PSEN2: variants seen among roughly 807,000 people sequenced by gnomAD.
PSEN2 encodes presenilin 2.
A neutral mutation model predicts 49.1 loss-of-function variants in PSEN2; 32 were observed. The ratio of observed to expected loss-of-function variants is 0.65; its 90% CI spans 0.49 to 0.88. PSEN2 has a LOEUF of 0.88. Ranked by LOEUF, PSEN2 falls within the 40% of genes least tolerant of loss-of-function variation. The pLI is 0.00. For synonymous variants in PSEN2, 255 were observed against 244.0 expected (o/e 1.05, Z -0.42); for missense variants, 522 against 586.9 (o/e 0.89, Z 1.14).
At position 226,882,138 on chromosome 1, in the gene PSEN2, C is replaced by T. The variant is rs982648254; in HGVS notation, c.141+90C>T. 12 of 1,525,772 alleles carry T rather than the reference C, an allele frequency of 7.9e-6. No individual in the cohort carries two copies. The highest frequency in any genetic ancestry group is 3.8e-5 in the Admixed American group (2 of 53,258). 94.5% of individuals were successfully genotyped at this position (1,525,772 alleles called of 1,614,324 possible). On this transcript the variant is annotated intron_variant, in intron 4 of 12. Coordinates refer to ENST00000366783, the MANE Select transcript of PSEN2 (RefSeq NM_000447.3). ...AAAACCAGACATTCATTCCCTGATG[C>T]GGGAGGGAGAAGGGAAGTAATGATG...
Position 226,881,869 on chromosome 1 carries a change from C to T in PSEN2, c.-20-19C>T. The T allele has an allele frequency of 6.2e-7, 1 of 1,614,218 alleles. No homozygotes were observed. On this transcript the variant is annotated intron_variant, in intron 3 of 12. Transcript: ENST00000366783. ...TCTCACAGGAAAGTGGAACAAGGTCCTTGTGCTCCTTTTTCCAGGTGCTTC... is the reference window on the plus strand; with the variant it reads ...TCTCACAGGAAAGTGGAACAAGGTCTTTGTGCTCCTTTTTCCAGGTGCTTC...
chr1:226,888,253 A>G (rs1661503744), intron 7 of PSEN2, 95 bp downstream of exon 7: 4 of 1,173,826 alleles, frequency 3.4e-6, no homozygotes, highest in East Asian at 2.3e-5. Flanking sequence ...AAAGATGACC[A>G]TCGAGCTCCA....
chr1:226,895,344 G>T, intron 12 of PSEN2, 80 bp from the exon 13 acceptor site: 2 of 1,543,788 alleles, frequency 1.3e-6, no homozygotes, highest in Admixed American at 1.7e-5. Flanking sequence ...AAGCTCCTGT[G>T]CCCAGGGACT....
chr1:226,890,132 A>G lies in PSEN2; in HGVS notation c.885A>G (p.Ser295=). The G allele has an allele frequency of 6.2e-7, 1 of 1,610,242 alleles. No individual in the cohort carries two copies. The highest frequency in any genetic ancestry group is 8.5e-7 in the Non-Finnish European group (1 of 1,176,520). The change falls in exon 9 of 13, where the codon TCA becomes TCG. Residue 295 remains serine (S), a splice_region_variant and synonymous_variant. Transcript: ENST00000366783. ...CCATATTCCCTGCCCTGATATACTC[A>G]TGTGAGTGAGCCCCCCGTGCCTCTG... The part of the protein sequence containing the change: ...NEPIFPALIY[S]SAMVWTVGMA...
chr1:226,880,740 C>T, intron 3 of PSEN2: 1 of 1,611,558 alleles, frequency 6.2e-7, no homozygotes, highest in Non-Finnish European at 8.5e-7. Flanking sequence ...CTGGGTCCCC[C>T]ACTTGGTACT....
At chr1:226,871,718 C>T (rs1014159464) in intron 2 of PSEN2, among the ~76,000 whole-genome samples, 1 of 152,270 alleles carries the variant, frequency 6.6e-6, no homozygotes, top group African/African-American at 2.4e-5. Context: ...GTAGCCAATT[C>T]TGCAGACACC....
chr1:226,878,175 G>A (rs1352967149), intron 3 of PSEN2, among the ~76,000 whole-genome samples: 1 of 152,084 alleles, frequency 6.6e-6, no homozygotes, highest in Non-Finnish European at 1.5e-5. Flanking sequence ...CGCCTCCTGG[G>A]TTCAAGTGAT....
chr1:226,900,081 T>G (rs1272065971), downstream of PSEN2, among the ~76,000 whole-genome samples: 1 of 152,012 alleles, frequency 6.6e-6, no homozygotes, highest in Non-Finnish European at 1.5e-5. Context: ...ACCAAAACAA[T>G]GAGAAAATGG....
At chr1:226,902,402 C>A (rs1662346242) in intron 12 of PSEN2, among the ~76,000 whole-genome samples, 1 of 152,020 alleles carries the variant, frequency 6.6e-6, no homozygotes, top group African/African-American at 2.4e-5. Flanking sequence ...AAGGGCATGG[C>A]TTACCGTGGG....
downstream of PSEN2, among the ~76,000 whole-genome samples, chr1:226,896,839 C>T (rs984709871): frequency 1.3e-5 from 2 of 152,110 alleles, no homozygotes; most frequent in African/African-American, 4.8e-5. Flanking sequence ...GTATATCAGA[C>T]AGCTGAGAAG....
intron 3 of PSEN2, among the ~76,000 whole-genome samples, chr1:226,876,241 T>TCAGAG (rs1660621501): frequency 6.6e-6 from 1 of 152,084 alleles, no homozygotes; most frequent in Non-Finnish European, 1.5e-5. Context: ...CCAGCAGGCT[T>TCAGAG]CAGAGCAGAC....
intron 12 of PSEN2, among the ~76,000 whole-genome samples, chr1:226,902,454 G>A (rs1662347987): frequency 1.3e-5 from 2 of 152,122 alleles, no homozygotes; most frequent in Non-Finnish European, 2.9e-5. Flanking sequence ...AGAGAAGAGA[G>A]GAGGTAGGGA....
At position 226,891,999 on chromosome 1, in the gene PSEN2, C is replaced by T. The variant is rs12130732; in HGVS notation, c.1072+155C>T. ...CTGTGAAAGTAGAAGATGCCTGCAG[C>T]GCTGGGGTCTTCTCAGCAGGCCCCA... On this transcript the variant is annotated intron_variant, in intron 11 of 12. Transcript: ENST00000366783. 144,891 of 682,276 alleles carry T rather than the reference C, an allele frequency of 0.21. 16,816 individuals are homozygous for T. The highest frequency in any genetic ancestry group is 0.27 in the South Asian group (17,084 of 63,398). 42.3% of individuals were successfully genotyped at this position (682,276 alleles called of 1,614,324 possible).
intron 12 of PSEN2, 106 bp from the exon 13 acceptor site, chr1:226,895,318 C>A: frequency 7.5e-7 from 1 of 1,342,266 alleles, no homozygotes; most frequent in Non-Finnish European, 1.0e-6. Flanking sequence ...CGCCGTTATC[C>A]GACTGGTCCT....
chr1:226,871,215 G>A (rs1244496965), intron 1 of PSEN2, 47 bp from the exon 2 acceptor site: 1 of 152,276 alleles, frequency 6.6e-6, no homozygotes, highest in Non-Finnish European at 1.5e-5. Flanking sequence ...GCAGGCTCAA[G>A]CCTAGAGCCG....
chr1:226,884,986 G>A (rs559059154), intron 5 of PSEN2, among the ~76,000 whole-genome samples: 12 of 152,240 alleles, frequency 7.9e-5, no homozygotes, highest in South Asian at 4.1e-4. Context: ...GGGATTCAGC[G>A]CAGAACAGGT....
At position 226,874,513 on chromosome 1, in the gene PSEN2, G is replaced by A. The variant is rs767953848; in HGVS notation, c.-206-852G>A. Among the ~76,000 whole-genome samples the A allele has an allele frequency of 1.3e-3, 194 of 152,252 alleles. No individual in the cohort carries two copies. The Middle Eastern group carries it at 0.014, about 11-fold the overall frequency. The stretch of plus-strand genomic sequence containing the variant: ...ACGTGGCCATAGTGCCTGGGGCTGG[G>A]CCGGGAATGGAAACTTGATCTCTGG... On this transcript the variant is annotated intron_variant, in intron 2 of 12. Transcript: ENST00000366783.
chr1:226,901,614 C>T (rs1397223980), downstream of PSEN2, among the ~76,000 whole-genome samples: 9 of 152,014 alleles, frequency 5.9e-5, no homozygotes, highest in Non-Finnish European at 1.3e-4. Context: ...AGTGGTGTCT[C>T]TTCGTGGCTT....
At chr1:226,893,250 GA>G (rs1661881404) in intron 11 of PSEN2, among the ~76,000 whole-genome samples, 1 of 152,330 alleles carries the variant, frequency 6.6e-6, no homozygotes, top group Admixed American at 6.5e-5. Context: ...TTTATTATAA[GA>G]GATGCAACTC....
Sources: gnomAD v4.1 joint callset for allele counts (sites outside exome capture counted in the v4.1 genomes callset) on GRCh38, gnomAD v4.1.1 for gene constraint, MANE v1.5 for transcripts, NCBI Gene and HGNC (gene_info 2026-07-23, HGNC 2026-07-21) for gene names.